The following ZC3H11A variants were observed in gnomAD, a reference collection of about 807,000 sequenced individuals.
The protein encoded by ZC3H11A is zinc finger CCCH-type containing 11A.
Under a neutral mutation model 90.8 loss-of-function variants are expected in ZC3H11A, and 22 were observed. The observed-to-expected ratio is 0.24, with a 90% confidence interval of 0.17 to 0.35. The LOEUF is 0.35. ZC3H11A is among the 10% of genes least tolerant of loss of function. ZC3H11A has a pLI of 1.00. For synonymous variants in ZC3H11A, 294 were observed against 339.8 expected, an observed-to-expected ratio of 0.87 and a Z score of 1.48; for missense variants, 701 against 964.9, an observed-to-expected ratio of 0.73 and a Z score of 3.62.
At chr1:203,841,301 G>A (rs929971111) in intron 12 of ZC3H11A, among the ~76,000 whole-genome samples, 4 of 152,102 alleles carry the variant, frequency 2.6e-5, no homozygotes, top group South Asian at 2.1e-4. Context: ...AGGACCCTGC[G>A]GCCTTCTGCA....
intron 4 of ZC3H11A, among the ~76,000 whole-genome samples, chr1:203,823,277 C>T (rs1363381665): frequency 1.3e-5 from 2 of 152,154 alleles, no homozygotes; most frequent in Non-Finnish European, 2.9e-5. Flanking sequence ...CTGGAAGAAT[C>T]CGTGTGCCTG....
At chr1:203,834,581 T>A (rs2103095015) in intron 10 of ZC3H11A, among the ~76,000 whole-genome samples, 1 of 152,324 alleles carries the variant, frequency 6.6e-6, no homozygotes, top group South Asian at 2.1e-4. Context: ...TGCTATTTTA[T>A]TTTTGGGGGA....
intron 2 of ZC3H11A, among the ~76,000 whole-genome samples, chr1:203,812,037 G>A (rs1353310207): frequency 6.6e-6 from 1 of 151,902 alleles, no homozygotes; most frequent in Non-Finnish European, 1.5e-5. Context: ...GGCTGGTCTT[G>A]AACTACTGAC....
At chr1:203,798,352 C>T in intron 1 of ZC3H11A, 1 of 1,535,308 alleles carries the variant, frequency 6.5e-7, no homozygotes, top group Non-Finnish European at 8.7e-7. Context: ...TACACTGATC[C>T]TCAGCACATC....
chr1:203,813,146 G>A (rs1675085326), intron 2 of ZC3H11A, among the ~76,000 whole-genome samples: 1 of 151,992 alleles, frequency 6.6e-6, no homozygotes, highest in Non-Finnish European at 1.5e-5. Flanking sequence ...TCTTAACAGA[G>A]CTTTCACAGA....
intron 2 of ZC3H11A, among the ~76,000 whole-genome samples, chr1:203,807,968 C>T (rs1672951306): frequency 6.6e-6 from 1 of 152,034 alleles, no homozygotes; most frequent in South Asian, 2.1e-4. Flanking sequence ...TCTTGAACTC[C>T]TGGGTTCAAG....
At position 203,798,669 on chromosome 1, in the gene ZC3H11A, A is replaced by G. The variant is rs941775801; in HGVS notation, c.-1588+2875A>G. On this transcript the variant is annotated intron_variant, in intron 1 of 17. Transcript: ENST00000367210. ...GGTTGAAAACAGATCTGAAAGTCCT[A>G]TTCCCGTTGCAGAGCAAGGCACTCT... 18 of 1,536,034 alleles carry G rather than the reference A, an allele frequency of 1.2e-5. No homozygotes were observed. The African/African-American group carries it at 1.8e-4, about 15-fold the overall frequency.
At chr1:203,823,008 G>T (rs1458656932) in intron 4 of ZC3H11A, among the ~76,000 whole-genome samples, 1 of 152,132 alleles carries the variant, frequency 6.6e-6, no homozygotes, top group Non-Finnish European at 1.5e-5. Flanking sequence ...TACCTATCTT[G>T]CAAATAGCAG....
In ZC3H11A at chr1:203,854,072, A is replaced by C. The variant is rs1440201867; in HGVS notation, c.*1673A>C. On this transcript the variant is annotated 3_prime_UTR_variant, in exon 18 of 18. Coordinates refer to ENST00000367210, the MANE Select transcript of ZC3H11A (RefSeq NM_001376342.1). ...CGCATTATTTGAACCATTTGCCCTTACAGAAAGAGAAATACTTGTTTGTGT... is the reference window on the plus strand; with the variant it reads ...CGCATTATTTGAACCATTTGCCCTTCCAGAAAGAGAAATACTTGTTTGTGT... The C allele has an allele frequency of 6.6e-6, 1 of 152,610 alleles. No individual in the cohort carries two copies. The highest frequency in any genetic ancestry group is 1.5e-5 in the Non-Finnish European group (1 of 68,026). 9.5% of individuals were successfully genotyped at this position (152,610 alleles called of 1,614,324 possible).
chr1:203,816,113 C>T lies in ZC3H11A; in HGVS notation c.-145-813C>T, dbSNP rs532395711. On this transcript the variant is annotated intron_variant, in intron 2 of 17. Coordinates refer to ENST00000367210, the MANE Select transcript of ZC3H11A (RefSeq NM_001376342.1). ...TTATTCTAGCTAAACAGGGTTTTCT[C>T]ACCTAGTTATGATTATATACTTTTG... Among the ~76,000 whole-genome samples, 6 of 152,248 alleles carry T rather than the reference C, an allele frequency of 3.9e-5. No homozygotes were observed. In the South Asian group the frequency reaches 1.2e-3, roughly 32 times the overall value.
chr1:203,802,308 A>G lies in ZC3H11A; in HGVS notation c.-854A>G, dbSNP rs1036153940. 21 of 152,726 alleles carry G rather than the reference A, an allele frequency of 1.4e-4. No homozygotes were observed. Among genetic ancestry groups the G allele is most frequent in the African/African-American group, 4.8e-4 (20 of 41,574 alleles). 9.5% of individuals were successfully genotyped at this position (152,726 alleles called of 1,614,324 possible). A position where few individuals can be genotyped will look rare whatever the true frequency, so the allele number is the denominator to read the frequency against. On this transcript the variant is annotated 5_prime_UTR_variant, in exon 2 of 18. The change abolishes an upstream ATG in the 5' untranslated region. Transcript: ENST00000367210. ...CAAAATTTAGTGTAACAATAACTTC[A>G]TGATACTTTGGTATAAGAGTAAGTT...
chr1:203,805,233 A>T (rs1005619824), intron 2 of ZC3H11A, among the ~76,000 whole-genome samples: 1 of 150,482 alleles, frequency 6.6e-6, no homozygotes, highest in Non-Finnish European at 1.5e-5. Context: ...TCCTGGGTTC[A>T]AGCAATTCTC....
At chr1:203,845,929 G>A (rs1440065055) in intron 12 of ZC3H11A, among the ~76,000 whole-genome samples, 1 of 151,944 alleles carries the variant, frequency 6.6e-6, no homozygotes, top group Non-Finnish European at 1.5e-5. Context: ...AATACTCCAA[G>A]TAGAGGGAAT....
In ZC3H11A at chr1:203,850,954, A is replaced by G. The variant is rs577363318; in HGVS notation, c.2107-103A>G. The stretch of plus-strand genomic sequence containing the variant: ...TATCGATTCTTAGATTCACAGGCTT[A>G]AAGAATCATAGCCACAATTCTAAGA... On this transcript the variant is annotated intron_variant, in intron 16 of 17. Transcript: ENST00000367210. 774 of 1,375,974 alleles carry G rather than the reference A, an allele frequency of 5.6e-4. 10 individuals carry two copies. In the South Asian group the frequency reaches 8.2e-3, roughly 15 times the overall value. 85.2% of individuals were successfully genotyped at this position (1,375,974 alleles called of 1,614,324 possible).
rs764665444 is a variant in ZC3H11A, at chr1:203,833,857, A to G, written c.874+4A>G. The G allele has an allele frequency of 1.9e-6, 3 of 1,608,182 alleles. No individual in the cohort carries two copies. The highest frequency in any genetic ancestry group is 8.5e-7 in the Non-Finnish European group (1 of 1,177,424). On this transcript the variant is annotated splice_donor_region_variant and intron_variant, in intron 10 of 17. Transcript: ENST00000367210. ...GGGAAACGAAAATTTTCAGCAGGTA[A>G]GATAAGTTTTGTGTATATCTTTTCT...
intron 4 of ZC3H11A, among the ~76,000 whole-genome samples, chr1:203,821,377 T>C (rs1678630900): frequency 6.6e-6 from 1 of 152,198 alleles, no homozygotes; most frequent in Non-Finnish European, 1.5e-5. Flanking sequence ...AATGGACTAA[T>C]ACATGTGGTT....
intron 2 of ZC3H11A, chr1:203,814,788 G>A (rs1403285944): frequency 1.3e-5 from 2 of 151,978 alleles, no homozygotes; most frequent in African/African-American, 2.4e-5. Flanking sequence ...AACTCTAATG[G>A]CTGTATATTG....
At chr1:203,821,924 A>AT (rs34081927) in intron 4 of ZC3H11A, among the ~76,000 whole-genome samples, 7 of 151,812 alleles carry the variant, frequency 4.6e-5, no homozygotes, top group Non-Finnish European at 8.8e-5. Flanking sequence ...CGCCCGGCTA[A>AT]TTTTTTGTAC....
chr1:203,804,973 T>C (rs1671785096), intron 2 of ZC3H11A, among the ~76,000 whole-genome samples: 1 of 151,648 alleles, frequency 6.6e-6, no homozygotes, highest in Non-Finnish European at 1.5e-5. Flanking sequence ...GTGCCCGGCC[T>C]GTCTCGTCTT....
Sources: allele counts gnomAD v4.1 joint callset (sites outside exome capture counted in the v4.1 genomes callset), GRCh38; gene constraint gnomAD v4.1.1; transcripts MANE v1.5; gene names NCBI Gene and HGNC (gene_info 2026-07-23, HGNC 2026-07-21).